Variants in CAPN13 observed in about 807,000 individuals in gnomAD.
CAPN13 encodes calpain-13.
A neutral mutation model predicts 98.4 loss-of-function variants in CAPN13; 90 were observed. The ratio of observed to expected loss-of-function variants is 0.92; its 90% confidence interval spans 0.77 to 1.09. CAPN13 has a LOEUF of 1.09. Among genes scored for constraint, CAPN13 ranks in the 50% least tolerant of loss-of-function variants. CAPN13 has a pLI of 0.00. For synonymous variants in CAPN13, 330 were observed against 305.5 expected (o/e 1.08, Z -0.84); for missense variants, 887 against 841.3 (o/e 1.05, Z -0.67).
chr2:30,751,829 C>T (rs191209350), intron 10 of CAPN13, among the ~76,000 whole-genome samples: 11 of 152,282 alleles, frequency 7.2e-5, no homozygotes, highest in Middle Eastern at 3.4e-3. Flanking sequence ...AGTGGGGAGG[C>T]GTAGAGGACC....
At chr2:30,794,968 A>G (rs1448525349) in intron 1 of CAPN13, among the ~76,000 whole-genome samples, 1 of 152,008 alleles carries the variant, frequency 6.6e-6, no homozygotes, top group African/African-American at 2.4e-5. Flanking sequence ...ACATGTGTAT[A>G]CACATCAAAA....
At position 30,753,327 on chromosome 2, in the gene CAPN13, C is replaced by T. The variant is rs1672275500; in HGVS notation, c.942-129G>A. ...TGTCTGATCCTGGCTCATTCACCATCAAGCACCCTTCTATCTTTTCAGTCC... is the reference window on the plus strand; with the variant it reads ...TGTCTGATCCTGGCTCATTCACCATTAAGCACCCTTCTATCTTTTCAGTCC... On this transcript the variant is annotated intron_variant, in intron 9 of 22. Coordinates refer to ENST00000295055, the MANE Select transcript of CAPN13 (RefSeq NM_144575.3). 4 of 913,376 alleles carry T rather than the reference C, an allele frequency of 4.4e-6. No homozygotes were observed. The South Asian group carries it at 6.4e-5, about 15-fold the overall frequency. 56.6% of individuals were successfully genotyped at this position (913,376 alleles called of 1,614,324 possible).
chr2:30,741,297 G>T, intron 15 of CAPN13: 1 of 799,280 alleles, frequency 1.3e-6, no homozygotes, highest in Non-Finnish European at 1.5e-6. Flanking sequence ...TCCTGTCCTT[G>T]GCCTCTTCCT....
At chr2:30,793,197 G>A (rs989375212) in intron 1 of CAPN13, among the ~76,000 whole-genome samples, 110 of 151,796 alleles carry the variant, frequency 7.2e-4, no homozygotes, top group African/African-American at 2.4e-3. Flanking sequence ...AAACAAGAAG[G>A]TCCTATTTTG....
At chr2:30,735,275 T>C (rs1671303508) in intron 18 of CAPN13, among the ~76,000 whole-genome samples, 1 of 152,076 alleles carries the variant, frequency 6.6e-6, no homozygotes, top group Non-Finnish European at 1.5e-5. Flanking sequence ...TTGGATGAGG[T>C]GTGTAAGTGC....
chr2:30,799,925 T>A (rs1572890482), intron 1 of CAPN13, among the ~76,000 whole-genome samples: 1 of 151,768 alleles, frequency 6.6e-6, no homozygotes, highest in East Asian at 1.9e-4. Flanking sequence ...TACAAAAAAA[T>A]TAGCCAGGTG....
rs149347551 is a variant in CAPN13 at position 30,769,773 on chromosome 2, C to A, written c.524+540G>T. Among the ~76,000 whole-genome samples the A allele has an allele frequency of 6.6e-5, 10 of 152,298 alleles. No homozygotes were observed. In the East Asian group the frequency reaches 1.9e-3, roughly 29 times the overall value. On this transcript the variant is annotated intron_variant, in intron 5 of 22. Coordinates refer to ENST00000295055, the MANE Select transcript of CAPN13 (RefSeq NM_144575.3). ...ATGAGAATAAGCATGTCCTGCCCCA[C>A]CCCCACACATAAATGCCACCTCGTA...
chr2:30,801,604 T>TAAAA (rs10609363), intron 1 of CAPN13, among the ~76,000 whole-genome samples: 2 of 79,966 alleles, frequency 2.5e-5, no homozygotes, highest in Admixed American at 1.5e-4. Context: ...GACTCAGTCT[T>TAAAA]AAAAAAAAAA....
intron 2 of CAPN13, among the ~76,000 whole-genome samples, chr2:30,782,045 A>G (rs2148062245): frequency 6.6e-6 from 1 of 152,234 alleles, no homozygotes; most frequent in African/African-American, 2.4e-5. Flanking sequence ...CTGGGGGGTA[A>G]TCTGTGTTAT....
intron 1 of CAPN13, among the ~76,000 whole-genome samples, chr2:30,805,077 C>T (rs2148124521): frequency 6.6e-6 from 1 of 152,298 alleles, no homozygotes; most frequent in South Asian, 2.1e-4. Context: ...AGATGAGGTG[C>T]CAAGCCTCTA....
intron 1 of CAPN13, among the ~76,000 whole-genome samples, chr2:30,798,447 C>G (rs72783048): frequency 0.056 from 8,465 of 152,266 alleles, 351 homozygotes; most frequent in Non-Finnish European, 0.087. Flanking sequence ...ATTTTGGGCA[C>G]TAAACCACTC....
chr2:30,755,410 T>A (rs1389082572), intron 8 of CAPN13, among the ~76,000 whole-genome samples: 1 of 152,222 alleles, frequency 6.6e-6, no homozygotes, highest in Admixed American at 6.5e-5. Flanking sequence ...GTTTTGCCCA[T>A]GCCTTGGCAT....
intron 9 of CAPN13, 119 bp from the exon 10 acceptor site, chr2:30,753,317 C>T: frequency 4.0e-6 from 4 of 998,912 alleles, no homozygotes; most frequent in Non-Finnish European, 4.5e-6. Flanking sequence ...GATCCTGGCT[C>T]ATTCACCATC....
At chr2:30,764,413 G>A (rs1375977299) in intron 5 of CAPN13, 107 bp from the exon 6 acceptor site, 2 of 1,256,414 alleles carry the variant, frequency 1.6e-6, no homozygotes, top group African/African-American at 3.0e-5. Flanking sequence ...GGGGCTGCCT[G>A]GTCCACTCCT....
chr2:30,744,593 T>A (rs1230295590), intron 12 of CAPN13, among the ~76,000 whole-genome samples: 2 of 152,118 alleles, frequency 1.3e-5, no homozygotes. Context: ...CCTCCTATAA[T>A]TAGAAGGCAA....
chr2:30,762,172 C>T (rs941136143), intron 7 of CAPN13, among the ~76,000 whole-genome samples: 3 of 152,168 alleles, frequency 2.0e-5, no homozygotes, highest in African/African-American at 7.2e-5. Flanking sequence ...CTCTCAGATG[C>T]TATCTATCTA....
chr2:30,782,042 G>T (rs990817323), intron 2 of CAPN13, among the ~76,000 whole-genome samples: 2 of 152,118 alleles, frequency 1.3e-5, no homozygotes, highest in African/African-American at 4.8e-5. Flanking sequence ...AAGCTGGGGG[G>T]TAATCTGTGT....
chr2:30,729,924 G>C (rs1671001733), intron 22 of CAPN13: 1 of 152,190 alleles, frequency 6.6e-6, no homozygotes, highest in Non-Finnish European at 1.5e-5. Context: ...AAGAAGACAG[G>C]CTTTGGGCAA....
intron 2 of CAPN13, among the ~76,000 whole-genome samples, chr2:30,782,558 A>G (rs1268075979): frequency 6.6e-6 from 1 of 152,162 alleles, no homozygotes; most frequent in Non-Finnish European, 1.5e-5. Flanking sequence ...TTTGGTCGCA[A>G]GGTGAGTCGT....
Sources: gnomAD v4.1 joint callset for allele counts (sites outside exome capture counted in the v4.1 genomes callset) on GRCh38, gnomAD v4.1.1 for gene constraint, MANE v1.5 for transcripts, NCBI Gene and HGNC (gene_info 2026-07-23, HGNC 2026-07-21) for gene names.